Variants in PRAMEF4 observed in about 807,000 individuals in gnomAD.
The protein encoded by PRAMEF4 is PRAME family member 4.
A neutral mutation model predicts 34.4 loss-of-function variants in PRAMEF4; 18 were observed. The ratio of observed to expected loss-of-function variants is 0.52; its 90% CI spans 0.36 to 0.78. The LOEUF is 0.78. PRAMEF4 is among the 30% of genes least tolerant of loss of function. The pLI is 0.00. For synonymous variants in PRAMEF4, 156 were observed against 219.3 expected (o/e 0.71, Z 2.55); for missense variants, 482 against 569.1 (o/e 0.85, Z 1.56).
At chr1:12,885,500 C>A (rs1474514555) in intron 1 of PRAMEF4, among the ~76,000 whole-genome samples, 1 of 149,210 alleles carries the variant, frequency 6.7e-6, no homozygotes, top group African/African-American at 2.5e-5. Flanking sequence ...GCTGGGACTA[C>A]AGATGCATGG....
At chr1:12,885,567 G>C (rs1162640664) in intron 1 of PRAMEF4, among the ~76,000 whole-genome samples, 2 of 147,746 alleles carry the variant, frequency 1.4e-5, no homozygotes, top group Admixed American at 1.4e-4. Context: ...GATCACTTGA[G>C]GTCAGGTGTT....
chr1:12,884,034 A>G (rs149478181), intron 1 of PRAMEF4, among the ~76,000 whole-genome samples: 326 of 137,528 alleles, frequency 2.4e-3, no homozygotes, highest in East Asian at 0.017. Flanking sequence ...TTTCTGACAG[A>G]GTCTTGCTGT....
In PRAMEF4 at chr1:12,883,318, G is replaced by A. The variant is rs752857215; in HGVS notation, c.77C>T (p.Ala26Val). ...GGGCAGCTCCTCCAGGGTGGACATGGCCAAAGCTTGGTCCCTTAGCAGGCT... is the reference window on the plus strand; with the variant it reads ...GGGCAGCTCCTCCAGGGTGGACATGACCAAAGCTTGGTCCCTTAGCAGGCT... ...GRSLLRDQAL[A>V]MSTLEELPTE... Residue 26 changes from alanine to valine, a missense_variant, in exon 2 of 4, where the codon GCC becomes GTC. Ala to Val is a moderately conservative substitution (Grantham distance 64). Coordinates refer to ENST00000235349, the MANE Select transcript of PRAMEF4 (RefSeq NM_001009611.4). The A allele has an allele frequency of 1.2e-6, 2 of 1,600,032 alleles. No individual in the cohort carries two copies. The highest frequency in any genetic ancestry group is 1.4e-5 in the African/African-American group (1 of 73,092).
chr1:12,885,948 C>T (rs1292144324), intron 1 of PRAMEF4, among the ~76,000 whole-genome samples, 199 bp downstream of exon 1: 1 of 88,386 alleles, frequency 1.1e-5, no homozygotes, highest in Non-Finnish European at 2.1e-5. Flanking sequence ...ATGGCATCAA[C>T]CAAAGCACAA....
chr1:12,885,032 T>C (rs936072259), intron 1 of PRAMEF4, among the ~76,000 whole-genome samples: 3 of 150,642 alleles, frequency 2.0e-5, no homozygotes, highest in Non-Finnish European at 2.9e-5. Flanking sequence ...TTTATCAAAA[T>C]ATTTCAGAGT....
Position 12,883,151 on chromosome 1 carries a change from C to T in PRAMEF4, c.244G>A (p.Ala82Thr), listed in dbSNP as rs772811043. ...AGTGCATCCAGCCCATCGAGCACAG[C>T]TTGGAAGGCCTCCAGACAAGGCATC... is the stretch of plus-strand genomic sequence containing the variant. ...IKMPCLEAFQ[A>T]VLDGLDALLN... The change falls in exon 2 of 4, where the codon GCT (alanine) becomes ACT (threonine). Residue 82 changes from alanine (A) to threonine (T), a missense_variant. Transcript: ENST00000235349. 6 of 1,601,612 alleles carry T rather than the reference C, an allele frequency of 3.7e-6. No homozygotes were observed. Among genetic ancestry groups the T allele is most frequent in the African/African-American group, 1.4e-5 (1 of 73,526 alleles).
intron 3 of PRAMEF4, among the ~76,000 whole-genome samples, chr1:12,880,463 C>T (rs1383341850): frequency 1.3e-5 from 2 of 150,304 alleles, no homozygotes; most frequent in Admixed American, 6.8e-5. Flanking sequence ...GCAATTCCAG[C>T]TACTTGGGAA....
At chr1:12,885,859 T>C (rs1640993040) in intron 1 of PRAMEF4, among the ~76,000 whole-genome samples, 1 of 137,092 alleles carries the variant, frequency 7.3e-6, no homozygotes, top group South Asian at 2.4e-4. Context: ...ATCCCTGGGC[T>C]GAAATGATCC....
In PRAMEF4 at chr1:12,884,318, A is replaced by G. The variant is rs61778468; in HGVS notation, c.-16-908T>C. Among the ~76,000 whole-genome samples, 33 of 148,030 alleles carry G rather than the reference A, an allele frequency of 2.2e-4. 1 individual carries two copies. The highest frequency in any genetic ancestry group is 7.6e-4 in the African/African-American group (30 of 39,658). Reference sequence around the variant, plus strand: ...AGGTGTGAGCCTCCACCCCAGCCTCATTATTGAAAATTTCAGTGAGAAGCT... The same window carrying G: ...AGGTGTGAGCCTCCACCCCAGCCTCGTTATTGAAAATTTCAGTGAGAAGCT... On this transcript the variant is annotated intron_variant, in intron 1 of 3. Transcript: ENST00000235349.
chr1:12,881,796 T>G (rs11485050), intron 3 of PRAMEF4, 58 bp downstream of exon 3: 1 of 1,554,768 alleles, frequency 6.4e-7, no homozygotes, highest in South Asian at 1.1e-5. Context: ...TGCCCACTAG[T>G]GTTTACTGTA....
Position 12,882,972 on chromosome 1 carries a change from G to T in PRAMEF4, c.293+130C>A, listed in dbSNP as rs1393659056. ...GAGCAGTGCTTTCCCTGAGGAGCTGGTGAATGGCCAAGTCCTCTCGGCTTC... is the reference window on the plus strand; with the variant it reads ...GAGCAGTGCTTTCCCTGAGGAGCTGTTGAATGGCCAAGTCCTCTCGGCTTC... On this transcript the variant is annotated intron_variant, in intron 2 of 3. Transcript: ENST00000235349. The T allele has an allele frequency of 3.7e-6, 5 of 1,351,240 alleles. No homozygotes were observed. In the African/African-American group the frequency reaches 7.8e-5, roughly 21 times the overall value. The allele number at this position is 1,351,240 out of a possible 1,614,324, so 83.7% of individuals were successfully genotyped here. A position where few individuals can be genotyped will look rare whatever the true frequency, so the allele number is the denominator to read the frequency against.
rs1028988781 is a variant in PRAMEF4 at position 12,886,170 on chromosome 1, G to T, written c.-40C>A. The stretch of plus-strand genomic sequence containing the variant: ...ACCAGATCTGGATGTAGTCTAGAAG[G>T]TTCTCAGATCTCAGGAAGAACCAAG... On this transcript the variant is annotated 5_prime_UTR_variant, in exon 1 of 4. Transcript: ENST00000235349. 7.0e-6 allele frequency: 1 copy of T among 142,282 alleles called. No homozygotes were observed. The highest frequency in any genetic ancestry group is 2.7e-5 in the African/African-American group (1 of 37,144). The allele number at this position is 142,282 out of a possible 1,614,324, so 8.8% of individuals were successfully genotyped here. A position where few individuals can be genotyped will look rare whatever the true frequency, so the allele number is the denominator to read the frequency against.
chr1:12,884,737 C>T lies in PRAMEF4; in HGVS notation c.-16-1327G>A, dbSNP rs77606371. Among the ~76,000 whole-genome samples, 67 of 148,736 alleles carry T rather than the reference C, an allele frequency of 4.5e-4. 1 individual carries two copies. The highest frequency in any genetic ancestry group is 3.5e-3 in the Middle Eastern group (1 of 286). ...GAGAGACAGAGAGAGCTACATTTGA[C>T]TAGACTTCTTAATCTCTACCCAGTT... is the stretch of plus-strand genomic sequence containing the variant. On this transcript the variant is annotated intron_variant, in intron 1 of 3. Coordinates refer to ENST00000235349, the MANE Select transcript of PRAMEF4 (RefSeq NM_001009611.4).
Position 12,883,335 on chromosome 1 carries a change from T to C in PRAMEF4, c.60A>G (p.Leu20=), listed in dbSNP as rs3121080. 120,995 of 1,469,062 alleles carry C rather than the reference T, an allele frequency of 0.082. 20,018 individuals carry two copies. The highest frequency in any genetic ancestry group is 0.083 in the Non-Finnish European group (87,938 of 1,065,276). 91.0% of individuals were successfully genotyped at this position (1,469,062 alleles called of 1,614,324 possible). ...RLLELAGRSL[L]RDQALAMSTL... ...TGGACATGGCCAAAGCTTGGTCCCT[T>C]AGCAGGCTCCGCCCTGCAAGCTCCA... The change falls in exon 2 of 4, where the codon CTA becomes CTG. Residue 20 remains leucine, a synonymous_variant. Coordinates refer to ENST00000235349, the MANE Select transcript of PRAMEF4 (RefSeq NM_001009611.4).
intron 2 of PRAMEF4, among the ~76,000 whole-genome samples, chr1:12,882,878 C>G (rs1481976679): frequency 6.8e-6 from 1 of 147,628 alleles, no homozygotes; most frequent in Non-Finnish European, 1.5e-5. Flanking sequence ...GCCCAGTTCT[C>G]ACTTTTCATG....
chr1:12,882,131 T>A lies in PRAMEF4; in HGVS notation c.598A>T (p.Ile200Phe). 1 of 1,583,016 alleles carries A rather than the reference T, an allele frequency of 6.3e-7. No individual in the cohort carries two copies. Among genetic ancestry groups the A allele is most frequent in the African/African-American group, 1.4e-5 (1 of 70,838 alleles). ...LGMPFRNIRS[I>F]LKMVNLDCIQ... ...CAGTCTAGGTTCACCATTTTCAGGA[T>A]GCTTCTGATATTGCGGAAGGGCATT... The change falls in exon 3 of 4, where the codon ATC (isoleucine) becomes TTC (phenylalanine). Residue 200 changes from isoleucine (I) to phenylalanine (F), a missense_variant. Ile to Phe is a conservative substitution (Grantham distance 21). Coordinates refer to ENST00000235349, the MANE Select transcript of PRAMEF4 (RefSeq NM_001009611.4).
rs771651496 is a variant in PRAMEF4, at chr1:12,883,439, C to G, written c.-16-29G>C. 15 of 1,600,570 alleles carry G rather than the reference C, an allele frequency of 9.4e-6. 2 individuals are homozygous for G. The highest frequency in any genetic ancestry group is 1.3e-5 in the Non-Finnish European group (15 of 1,174,154). ...CCAGAGGACAAACCCAGAGAAAAGG[C>G]ATCTCTCTCGGGCCAAGCCCATGCA... On this transcript the variant is annotated intron_variant, in intron 1 of 3. Transcript: ENST00000235349.
intron 1 of PRAMEF4, among the ~76,000 whole-genome samples, chr1:12,885,085 C>T (rs111886509): frequency 0.057 from 8,532 of 149,480 alleles, 501 homozygotes; most frequent in African/African-American, 0.2. Context: ...CCTAAGAAAA[C>T]ACAATAGAAA....
intron 1 of PRAMEF4, among the ~76,000 whole-genome samples, chr1:12,885,458 C>G (rs796296122): frequency 2.7e-5 from 4 of 149,500 alleles, no homozygotes; most frequent in Non-Finnish European, 5.9e-5. Flanking sequence ...CTTCTGGGCT[C>G]AAGTGATTCT....
Sources: allele counts gnomAD v4.1 joint callset (sites outside exome capture counted in the v4.1 genomes callset), GRCh38; gene constraint gnomAD v4.1.1; transcripts MANE v1.5; gene names NCBI Gene and HGNC (gene_info 2026-07-23, HGNC 2026-07-21).